CAPRIN2: variants seen among roughly 807,000 people sequenced by gnomAD.
CAPRIN2 encodes the protein caprin-2.
CAPRIN2 carries 66 observed loss-of-function variants against 130.4 expected under a neutral mutation model. That is an observed-to-expected ratio of 0.51 (90% CI 0.42 to 0.62). The LOEUF (loss-of-function observed/expected upper bound fraction) is 0.62, where lower values mean the gene tolerates loss of function less well. CAPRIN2 is among the 20% of genes least tolerant of loss of function. The pLI, the probability that CAPRIN2 is intolerant of heterozygous loss-of-function variation, is 0.00. For missense variants in CAPRIN2, 1,185 were observed against 1,246.6 expected (o/e 0.95, Z 0.74); for synonymous variants, 471 against 444.1 (o/e 1.06, Z -0.76).
chr12:30,729,873 T>C (rs559636138), intron 7 of CAPRIN2, among the ~76,000 whole-genome samples: 2 of 152,070 alleles, frequency 1.3e-5, no homozygotes, highest in Non-Finnish European at 2.9e-5. Flanking sequence ...CTGCTACCAA[T>C]GTGAGTAAAT....
intron 1 of CAPRIN2, 55 bp downstream of exon 2, chr12:30,753,289 C>T (rs772554500): frequency 2.1e-6 from 3 of 1,432,580 alleles, no homozygotes; most frequent in Non-Finnish European, 2.8e-6. Context: ...AGAAAAATGT[C>T]AGCTCCTTAA....
chr12:30,735,261 CA>C lies in CAPRIN2; in HGVS notation c.571-56del, dbSNP rs1217345410. 1.6e-5 allele frequency: 21 copies of C among 1,305,924 alleles called. No homozygotes were observed. The East Asian group carries it at 4.4e-4, about 27-fold the overall frequency. 80.9% of individuals were successfully genotyped at this position (1,305,924 alleles called of 1,614,324 possible). A position where few individuals can be genotyped will look rare whatever the true frequency, so the allele number is the denominator to read the frequency against. The stretch of plus-strand genomic sequence containing the variant: ...ACAATTCTCTACCATCCCATATTAG[CA>C]ATACGTATCTACAAAGTCTAAACCC... On this transcript the variant is annotated intron_variant, in intron 3 of 16. Coordinates refer to ENST00000298892, the Ensembl canonical transcript of CAPRIN2.
At chr12:30,728,718 C>A (rs1324435862) in exon 8 of CAPRIN2, 2 of 1,614,106 alleles carry the variant, frequency 1.2e-6, no homozygotes, top group Non-Finnish European at 1.7e-6. Flanking sequence ...TGTAGCTACT[C>A]CCCAGGACTT....
At chr12:30,716,123 T>A (rs561219618) in intron 13 of CAPRIN2, 1 of 190,866 alleles carries the variant, frequency 5.2e-6, no homozygotes, top group African/African-American at 2.4e-5. Flanking sequence ...TTCAATCTTT[T>A]ATTATAAGAT....
chr12:30,731,858 ATG>A (rs549621986), intron 5 of CAPRIN2, among the ~76,000 whole-genome samples: 116 of 152,224 alleles, frequency 7.6e-4, no homozygotes, highest in African/African-American at 2.7e-3. Context: ...CTAATCAAGT[ATG>A]TCACAAAAGC....
chr12:30,729,307 T>C (rs768450364), exon 8 of CAPRIN2: 7 of 1,565,550 alleles, frequency 4.5e-6, no homozygotes, highest in South Asian at 1.2e-5. Context: ...ACTTCTGTCA[T>C]ATAGCGTCTG....
Position 30,731,510 on chromosome 12 carries a change from T to C in CAPRIN2, c.893A>G (p.Tyr298Cys), listed in dbSNP as rs1270773808. The change falls in exon 6 of 17, where the codon TAC becomes TGC. Residue 298 changes from tyrosine to cysteine, a missense_variant and splice_region_variant. Coordinates refer to ENST00000298892, the Ensembl canonical transcript of CAPRIN2. ...AGACAGTAGATCCTTCAAGTGTTTG[T>C]CTAAGAAAGAGTGATTAAGACTTAA... 4 of 1,610,732 alleles carry C rather than the reference T, an allele frequency of 2.5e-6. No individual in the cohort carries two copies. The Admixed American group carries it at 5.0e-5, about 20-fold the overall frequency.
intron 5 of CAPRIN2, among the ~76,000 whole-genome samples, chr12:30,732,290 T>C (rs989690115): frequency 1.3e-5 from 2 of 151,946 alleles, no homozygotes; most frequent in African/African-American, 4.8e-5. Context: ...CTTAGCAGAG[T>C]TTCCGTACTT....
intron 3 of CAPRIN2, among the ~76,000 whole-genome samples, chr12:30,737,118 C>T (rs1005160003): frequency 6.6e-6 from 1 of 152,056 alleles, no homozygotes; most frequent in Non-Finnish European, 1.5e-5. Flanking sequence ...GATCCTCCCA[C>T]CTCAGCCTCC....
intron 15 of CAPRIN2, among the ~76,000 whole-genome samples, chr12:30,713,114 G>T (rs1292832732): frequency 6.6e-6 from 1 of 152,110 alleles, no homozygotes; most frequent in Admixed American, 6.6e-5. Flanking sequence ...TTCAAGGATA[G>T]GTATTTTATA....
intron 2 of CAPRIN2, among the ~76,000 whole-genome samples, chr12:30,749,675 G>A (rs2072706347): frequency 6.6e-6 from 1 of 152,180 alleles, no homozygotes; most frequent in Non-Finnish European, 1.5e-5. Flanking sequence ...AAGATTAGAG[G>A]AGGAGCAGGT....
chr12:30,746,549 T>C lies in CAPRIN2; in HGVS notation c.483+4522A>G, dbSNP rs369124777. 5.3e-5 allele frequency among the ~76,000 whole-genome samples: 8 copies of C among 152,258 alleles called. 1 individual carries two copies. The East Asian group carries it at 1.2e-3, about 22-fold the overall frequency. The stretch of plus-strand genomic sequence containing the variant: ...TTTCTCTGATGAGAGATGGTGATAG[T>C]GGAAGAGGTTGAGCTTGTGTGGGGT... On this transcript the variant is annotated intron_variant, in intron 2 of 16. Transcript: ENST00000298892.
At chr12:30,719,940 A>G (rs972711236) in intron 12 of CAPRIN2, 2 of 152,222 alleles carry the variant, frequency 1.3e-5, no homozygotes, top group South Asian at 2.1e-4. Flanking sequence ...ATATTCTTCT[A>G]TAACAGTTAA....
intron 9 of CAPRIN2, 82 bp downstream of exon 10, chr12:30,725,884 C>A: frequency 8.1e-7 from 1 of 1,240,816 alleles, no homozygotes; most frequent in Non-Finnish European, 1.1e-6. Flanking sequence ...ACAGAATAAT[C>A]TATGCTCTTA....
Position 30,710,381 on chromosome 12 carries a change from T to C in CAPRIN2, c.2755A>G (p.Ser919Gly), listed in dbSNP as rs1184415727. 2.5e-6 allele frequency: 4 copies of C among 1,614,168 alleles called. No individual in the cohort carries two copies. The highest frequency in any genetic ancestry group is 3.4e-6 in the Non-Finnish European group (4 of 1,180,032). ...ACTGGCACATCCACAGGGGTCATGC[T>C]ACGGGAGTCTCCTTGTCCAGAGTCA... is the stretch of plus-strand genomic sequence containing the variant. The change falls in exon 17 of 17, where the codon AGC becomes GGC. Residue 919 changes from serine (S) to glycine (G), a missense_variant. Transcript: ENST00000298892. This position sits in a 1 kb window ranked among gnomAD's most constrained non-coding sequence, Gnocchi z 4.8.
intron 2 of CAPRIN2, among the ~76,000 whole-genome samples, chr12:30,749,256 T>C (rs916162938): frequency 6.6e-6 from 1 of 151,944 alleles, no homozygotes; most frequent in Non-Finnish European, 1.5e-5. Context: ...AGAAATGGAG[T>C]CAAAATGTCA....
At chr12:30,753,555 G>A in exon 1 of CAPRIN2, 5 of 1,614,086 alleles carry the variant, frequency 3.1e-6, no homozygotes, top group Non-Finnish European at 4.2e-6. Context: ...ATGGCCTGAA[G>A]GTGACTGGTA....
At position 30,715,454 on chromosome 12, in the gene CAPRIN2, C is replaced by T. The variant is rs1379206983; in HGVS notation, c.2318-313G>A. On this transcript the variant is annotated intron_variant, in intron 13 of 16. Transcript: ENST00000298892. ...ATTGTATACCACTTATATGAGGTACCTAGAGCAGTCATTTTCAGAATCAGA... is the reference window on the plus strand; with the variant it reads ...ATTGTATACCACTTATATGAGGTACTTAGAGCAGTCATTTTCAGAATCAGA... The T allele has an allele frequency of 8.5e-6, 4 of 470,766 alleles. No individual in the cohort carries two copies. The East Asian group carries it at 2.6e-4, about 30-fold the overall frequency. The allele number at this position is 470,766 out of a possible 1,614,324, so 29.2% of individuals were successfully genotyped here.
chr12:30,711,688 T>C, intron 15 of CAPRIN2, 59 bp from the exon 18 acceptor site: 1 of 1,384,726 alleles, frequency 7.2e-7, no homozygotes, highest in Non-Finnish European at 1.0e-6. Flanking sequence ...TAATTGGTTA[T>C]TACACAGGAC....
Sources: allele counts gnomAD v4.1 joint callset (sites outside exome capture counted in the v4.1 genomes callset), GRCh38; gene constraint gnomAD v4.1.1; non-coding constraint Gnocchi (gnomAD v3.1); transcripts MANE v1.5; gene names NCBI Gene and HGNC (gene_info 2026-07-23, HGNC 2026-07-21).